Variants in RORC observed in about 807,000 individuals in gnomAD.
RORC encodes the protein nuclear receptor ROR-gamma.
Under a neutral mutation model 64.5 loss-of-function variants are expected in RORC, and 13 were observed. The ratio of observed to expected loss-of-function variants is 0.20; its 90% CI spans 0.13 to 0.32. The LOEUF is 0.32. Ranked by LOEUF, RORC falls within the 10% of genes least tolerant of loss-of-function variation. RORC has a pLI of 1.00. For missense variants in RORC, 468 were observed against 669.5 expected (o/e 0.70, Z 3.32); for synonymous variants, 277 against 259.3 (o/e 1.07, Z -0.65).
At chr1:151,825,394 C>T (rs1231369023) in intron 2 of RORC, among the ~76,000 whole-genome samples, 1 of 152,176 alleles carries the variant, frequency 6.6e-6, no homozygotes, top group Non-Finnish European at 1.5e-5. Context: ...GGCTTTGAGG[C>T]CTGGACGCGG....
Position 151,811,397 on chromosome 1 carries a change from C to A in RORC, c.1323G>T (p.Gln441His). ...AGGCCAGCTCCAGATTGTACTGCAGCTGTTCTACTTTCCTTTTCTCTTGGA... is the reference window on the plus strand; with the variant it reads ...AGGCCAGCTCCAGATTGTACTGCAGATGTTCTACTTTCCTTTTCTCTTGGA... Reference protein sequence around the residue: ...PGLQEKRKVEQLQYNLELAFH... With the variant: ...PGLQEKRKVEHLQYNLELAFH... Residue 441 changes from glutamine to histidine, a missense_variant, in exon 10 of 11, where the codon CAG (glutamine) becomes CAT (histidine). This residue lies in a region of RORC where 93 missense variants were observed against 116.6 expected (regional missense o/e 0.80). Coordinates refer to ENST00000318247, the MANE Select transcript of RORC (RefSeq NM_005060.4). The A allele has an allele frequency of 6.2e-7, 1 of 1,614,016 alleles. No individual in the cohort carries two copies. Among genetic ancestry groups the A allele is most frequent in the Non-Finnish European group, 8.5e-7 (1 of 1,179,896 alleles).
At chr1:151,826,157 A>T in intron 2 of RORC, 4 of 1,188,068 alleles carry the variant, frequency 3.4e-6, no homozygotes, top group Non-Finnish European at 4.3e-6. Context: ...CCCACCCCCA[A>T]GGGGTGCAGT....
Position 151,815,184 on chromosome 1 carries a change from T to C in RORC, c.540A>G (p.Ser180=). ...TGTTGGAATATGAGGGCCCAGAGCC[T>C]GAGGCTTTCAGGAGGCCAGGGGGAC... ...SACPPGLLKA[S]GSGPSYSNNL... Residue 180 remains serine (S), a synonymous_variant, in exon 5 of 11, where the codon TCA becomes TCG. Coordinates refer to ENST00000318247, the MANE Select transcript of RORC (RefSeq NM_005060.4). The C allele has an allele frequency of 6.2e-7, 1 of 1,613,948 alleles. No homozygotes were observed. The highest frequency in any genetic ancestry group is 8.5e-7 in the Non-Finnish European group (1 of 1,179,932).
chr1:151,807,725 C>T lies in RORC; in HGVS notation c.1396-92G>A. ...TCATTCTTCCTGGGCTAGGACAAACCCTCCTTGCCTTCCCCTTATGTACTT... is the reference window on the plus strand; with the variant it reads ...TCATTCTTCCTGGGCTAGGACAAACTCTCCTTGCCTTCCCCTTATGTACTT... On this transcript the variant is annotated intron_variant, in intron 10 of 10. Coordinates refer to ENST00000318247, the MANE Select transcript of RORC (RefSeq NM_005060.4). This position sits in a 1 kb window ranked among gnomAD's most constrained non-coding sequence, Gnocchi z 5.0. 1 of 1,362,342 alleles carries T rather than the reference C, an allele frequency of 7.3e-7. No homozygotes were observed. The highest frequency in any genetic ancestry group is 1.0e-6 in the Non-Finnish European group (1 of 988,242). 84.4% of individuals were successfully genotyped at this position (1,362,342 alleles called of 1,614,324 possible).
At chr1:151,809,379 G>A (rs1651434297) in intron 10 of RORC, among the ~76,000 whole-genome samples, 1 of 152,160 alleles carries the variant, frequency 6.6e-6, no homozygotes, top group African/African-American at 2.4e-5. Context: ...GGGCGACAGA[G>A]CAAGTCTGCC....
At chr1:151,826,370 C>T (rs1189785470) in intron 2 of RORC, among the ~76,000 whole-genome samples, 1 of 152,216 alleles carries the variant, frequency 6.6e-6, no homozygotes, top group East Asian at 1.9e-4. Flanking sequence ...CAAATTTCTA[C>T]TCCTCCTACC....
At chr1:151,819,990 T>C (rs1651923031) in intron 2 of RORC, among the ~76,000 whole-genome samples, 1 of 152,072 alleles carries the variant, frequency 6.6e-6, no homozygotes, top group Admixed American at 6.5e-5. Flanking sequence ...ACCAAGAGGT[T>C]TGGGTCCAGG....
chr1:151,811,352 C>G lies in RORC; in HGVS notation c.1368G>C (p.Lys456Asn), dbSNP rs975512932. 1 of 1,613,926 alleles carries G rather than the reference C, an allele frequency of 6.2e-7. No individual in the cohort carries two copies. The highest frequency in any genetic ancestry group is 8.5e-7 in the Non-Finnish European group (1 of 1,179,822). The change falls in exon 10 of 11, where the codon AAG becomes AAC. Residue 456 changes from lysine (K) to asparagine (N), a missense_variant. Around this residue, in one of 5 missense-constraint regions of RORC, gnomAD observed 93 missense variants for 116.6 expected, o/e 0.80. Coordinates refer to ENST00000318247, the MANE Select transcript of RORC (RefSeq NM_005060.4). Reference protein sequence around the residue: ...LELAFHHHLCKTHRQSILAKL... With the variant: ...LELAFHHHLCNTHRQSILAKL... Reference sequence around the variant, plus strand: ...TTGCCAGGATGCTTTGGCGATGAGTCTTGCAGAGATGATGATGAAAGGCCA... The same window carrying G: ...TTGCCAGGATGCTTTGGCGATGAGTGTTGCAGAGATGATGATGAAAGGCCA...
chr1:151,830,827 G>T lies in RORC; in HGVS notation c.40+898C>A. 7.7e-6 allele frequency: 4 copies of T among 518,636 alleles called. No homozygotes were observed. Among genetic ancestry groups the T allele is most frequent in the Admixed American group, 3.9e-5 (1 of 25,894 alleles). 32.1% of individuals were successfully genotyped at this position (518,636 alleles called of 1,614,324 possible). On this transcript the variant is annotated intron_variant, in intron 1 of 10. Coordinates refer to ENST00000318247, the MANE Select transcript of RORC (RefSeq NM_005060.4). This position sits in a 1 kb window ranked among gnomAD's most constrained non-coding sequence, Gnocchi z 4.0. ...GCCCCGCCCACCTCCCCTTGCTCCT[G>T]CCTGGCCCCACCCAGCTTCCTCCCT...
chr1:151,809,529 G>A (rs372507400), intron 10 of RORC, among the ~76,000 whole-genome samples: 1 of 152,202 alleles, frequency 6.6e-6, no homozygotes, highest in Non-Finnish European at 1.5e-5. Context: ...GGCAGATGAG[G>A]GTGGAACAGG....
intron 2 of RORC, among the ~76,000 whole-genome samples, chr1:151,827,314 T>A (rs4845602): frequency 0.11 from 17,011 of 152,182 alleles, 1,320 homozygotes; most frequent in Admixed American, 0.22. Flanking sequence ...TCAAGTCTGC[T>A]TTTGAGGGTG....
intron 2 of RORC, among the ~76,000 whole-genome samples, chr1:151,824,719 G>A (rs1442438272): frequency 2.6e-5 from 4 of 152,230 alleles, no homozygotes; most frequent in Non-Finnish European, 4.4e-5. Flanking sequence ...CTCTCTCTTG[G>A]CCCTGGGCCT....
rs1232601894 is a variant in RORC, at chr1:151,814,991, C to G, written c.733G>C (p.Gly245Arg). ...CTGCCGTAGCTGTCTGGGCCCTGTC[C>G]CAGTTCCCCAAGCCCAGGATGCCTG... is the stretch of plus-strand genomic sequence containing the variant. The part of the protein sequence containing the change: ...EHRHPGLGEL[G>R]QGPDSYGSPS... The change falls in exon 5 of 11, where the codon GGA (glycine) becomes CGA (arginine). Residue 245 changes from glycine (G) to arginine (R), a missense_variant. Physicochemically the swap from Gly to Arg is moderately radical, Grantham distance 125 (BLOSUM62 -2). Coordinates refer to ENST00000318247, the MANE Select transcript of RORC (RefSeq NM_005060.4). 6.2e-7 allele frequency: 1 copy of G among 1,614,062 alleles called. No individual in the cohort carries two copies. The highest frequency in any genetic ancestry group is 8.5e-7 in the Non-Finnish European group (1 of 1,180,034).
At position 151,813,332 on chromosome 1, in the gene RORC, C is replaced by T; in HGVS notation, c.1081G>A (p.Val361Met). 1 of 1,614,146 alleles carries T rather than the reference C, an allele frequency of 6.2e-7. No homozygotes were observed. The highest frequency in any genetic ancestry group is 8.5e-7 in the Non-Finnish European group (1 of 1,179,988). ...TAGGCCCGGCACATCCTAACCAGCA[C>T]CACTTCCATTGCTCCTGGGCAGTGG... ...VLLKAGAMEVVLVRMCRAYNA... is the reference protein window; with the variant it reads ...VLLKAGAMEVMLVRMCRAYNA... Residue 361 changes from valine to methionine, a missense_variant, in exon 8 of 11, where the codon GTG (valine) becomes ATG (methionine). Physicochemically the swap from Val to Met is conservative, Grantham distance 21. Coordinates refer to ENST00000318247, the MANE Select transcript of RORC (RefSeq NM_005060.4).
In RORC at chr1:151,811,416, T is replaced by C. The variant is rs148168558; in HGVS notation, c.1304A>G (p.Glu435Gly). 2.9e-5 allele frequency: 47 copies of C among 1,613,546 alleles called. No individual in the cohort carries two copies. The African/African-American group carries it at 6.0e-4, about 21-fold the overall frequency. Residue 435 changes from glutamate to glycine, a missense_variant, in exon 10 of 11, where the codon GAG becomes GGG. Coordinates refer to ENST00000318247, the MANE Select transcript of RORC (RefSeq NM_005060.4). Reference sequence around the variant, plus strand: ...CTGCAGCTGTTCTACTTTCCTTTTCTCTTGGAGCCCTGGCCGATCTGGAGG... The same window carrying C: ...CTGCAGCTGTTCTACTTTCCTTTTCCCTTGGAGCCCTGGCCGATCTGGAGG... ...LINAHRPGLQ[E>G]KRKVEQLQYN... is the part of the protein sequence containing the mutation.
In RORC at chr1:151,830,761, G is replaced by A. The variant is rs932367882; in HGVS notation, c.40+964C>T. Among the ~76,000 whole-genome samples, 4 of 152,094 alleles carry A rather than the reference G, an allele frequency of 2.6e-5. No individual in the cohort carries two copies. The highest frequency in any genetic ancestry group is 5.9e-5 in the Non-Finnish European group (4 of 68,012). On this transcript the variant is annotated intron_variant, in intron 1 of 10. Transcript: ENST00000318247. The surrounding 1 kb of genome is among the most constrained non-coding windows in gnomAD (Gnocchi z 4.0). Reference sequence around the variant, plus strand: ...ATGGCCTGGGCTCTGCTGGGGTGAGGGAGGAGAAAAGACTGCCCCGAGGTG... The same window carrying A: ...ATGGCCTGGGCTCTGCTGGGGTGAGAGAGGAGAAAAGACTGCCCCGAGGTG...
At position 151,807,651 on chromosome 1, in the gene RORC, G is replaced by C. The variant is rs754774059; in HGVS notation, c.1396-18C>G. 6.2e-7 allele frequency: 1 copy of C among 1,613,374 alleles called. No individual in the cohort carries two copies. The highest frequency in any genetic ancestry group is 8.5e-7 in the Non-Finnish European group (1 of 1,179,570). The stretch of plus-strand genomic sequence containing the variant: ...GGTGGCAGCTGGATATGGGTTAATG[G>C]GGAAGGGAGGGTCAATACTTCAGCT... On this transcript the variant is annotated intron_variant, in intron 10 of 10. Transcript: ENST00000318247. The surrounding 1 kb of genome is among the most constrained non-coding windows in gnomAD (Gnocchi z 5.0).
chr1:151,815,006 C>T lies in RORC; in HGVS notation c.718G>A (p.Gly240Arg), dbSNP rs183023655. 3.1e-6 allele frequency: 5 copies of T among 1,614,206 alleles called. No homozygotes were observed. Among genetic ancestry groups the T allele is most frequent in the Middle Eastern group, 1.6e-4 (1 of 6,062 alleles). Residue 240 changes from glycine to arginine, a missense_variant, in exon 5 of 11, where the codon GGG (glycine) becomes AGG (arginine). By Grantham distance (125) the Gly-to-Arg change is moderately radical (BLOSUM62 -2). Around this residue, in one of 5 missense-constraint regions of RORC, gnomAD observed 241 missense variants for 295.5 expected, o/e 0.82. Coordinates refer to ENST00000318247, the MANE Select transcript of RORC (RefSeq NM_005060.4). ...GLRFEEHRHP[G>R]LGELGQGPDS... is the part of the protein sequence containing the mutation. ...GGGCCCTGTCCCAGTTCCCCAAGCC[C>T]AGGATGCCTGTGTTCCTCAAAACGA...
chr1:151,807,816 G>A lies in RORC; in HGVS notation c.1396-183C>T, dbSNP rs971208394. On this transcript the variant is annotated intron_variant, in intron 10 of 10. Coordinates refer to ENST00000318247, the MANE Select transcript of RORC (RefSeq NM_005060.4). The surrounding 1 kb of genome is among the most constrained non-coding windows in gnomAD (Gnocchi z 5.0). ...TGTGTGTTCAGGACACTGGAGGGAAGTGAGAGTGGGTGGGGCACAGGTGAA... is the reference window on the plus strand; with the variant it reads ...TGTGTGTTCAGGACACTGGAGGGAAATGAGAGTGGGTGGGGCACAGGTGAA... 4.6e-5 allele frequency among the ~76,000 whole-genome samples: 7 copies of A among 152,240 alleles called. No individual in the cohort carries two copies. The highest frequency in any genetic ancestry group is 1.0e-4 in the Non-Finnish European group (7 of 68,034).
Sources: allele counts gnomAD v4.1 joint callset (sites outside exome capture counted in the v4.1 genomes callset), GRCh38; gene constraint gnomAD v4.1.1; regional missense constraint gnomAD v4.1.1; non-coding constraint Gnocchi (gnomAD v3.1); transcripts MANE v1.5; gene names NCBI Gene and HGNC (gene_info 2026-07-23, HGNC 2026-07-21).